Variants in KLHL24 observed in about 807,000 individuals in gnomAD.
KLHL24 encodes the protein kelch-like protein 24.
A neutral mutation model predicts 53.4 loss-of-function variants in KLHL24; 29 were observed. The ratio of observed to expected loss-of-function variants is 0.54; its 90% CI spans 0.40 to 0.74. The LOEUF (loss-of-function observed/expected upper bound fraction) is 0.74, where lower values mean the gene tolerates loss of function less well. Ranked by LOEUF, KLHL24 falls within the 30% of genes least tolerant of loss-of-function variation. KLHL24 has a pLI of 0.00. For missense variants in KLHL24, 504 were observed against 744.0 expected (o/e 0.68, Z 3.75); for synonymous variants, 222 against 253.7 (o/e 0.88, Z 1.19).
intron 7 of KLHL24, among the ~76,000 whole-genome samples, chr3:183,678,337 A>G (rs552971712): frequency 6.6e-6 from 1 of 152,178 alleles, no homozygotes; most frequent in Non-Finnish European, 1.5e-5. Context: ...CCATATAATG[A>G]ATATTGTTCC....
At chr3:183,636,386 A>G (rs1715183159) in intron 1 of KLHL24, 1 of 151,860 alleles carries the variant, frequency 6.6e-6, no homozygotes. Flanking sequence ...CTGTCACCTG[A>G]CCGTTACCCC....
chr3:183,642,867 C>T (rs1716669704), intron 1 of KLHL24: 1 of 152,086 alleles, frequency 6.6e-6, no homozygotes, highest in Non-Finnish European at 1.5e-5. Context: ...CATTAGCTTG[C>T]TATTGACATT....
chr3:183,656,037 C>T (rs1445141964), intron 3 of KLHL24, among the ~76,000 whole-genome samples: 78 of 90,802 alleles, frequency 8.6e-4, no homozygotes, highest in East Asian at 1.6e-3. Flanking sequence ...CCCTTAGCAT[C>T]TTTTTTTTTT....
chr3:183,639,369 GCC>G (rs1715926135), intron 1 of KLHL24, among the ~76,000 whole-genome samples: 1 of 152,098 alleles, frequency 6.6e-6, no homozygotes, highest in Non-Finnish European at 1.5e-5. Context: ...GGTGGCTCAC[GCC>G]TGTAATCCCA....
intron 1 of KLHL24, among the ~76,000 whole-genome samples, chr3:183,639,156 C>T (rs547359965): frequency 1.3e-5 from 2 of 151,938 alleles, no homozygotes; most frequent in African/African-American, 2.4e-5. Flanking sequence ...GCTGAGATCG[C>T]GCCATTGCAC....
Position 183,682,078 on chromosome 3 carries a change from T to G in KLHL24, c.*2792T>G, listed in dbSNP as rs1322879274. On this transcript the variant is annotated 3_prime_UTR_variant, in exon 8 of 8. Transcript: ENST00000242810. ...TGGGCATTTCTAGAACTTTTTACAT[T>G]TGAAAGTACATGATGAGTATTAGTA... 1 of 152,162 alleles carries G rather than the reference T, an allele frequency of 6.6e-6. No homozygotes were observed. Among genetic ancestry groups the G allele is most frequent in the East Asian group, 1.9e-4 (1 of 5,202 alleles). 9.4% of individuals were successfully genotyped at this position (152,162 alleles called of 1,614,324 possible). A position where few individuals can be genotyped will look rare whatever the true frequency, so the allele number is the denominator to read the frequency against.
chr3:183,673,720 C>G (rs1721683909), intron 7 of KLHL24, among the ~76,000 whole-genome samples: 1 of 152,172 alleles, frequency 6.6e-6, no homozygotes, highest in South Asian at 2.1e-4. Context: ...TAGAGATGTA[C>G]TCTCAAAGGT....
chr3:183,638,314 C>T (rs1374529869), intron 1 of KLHL24, among the ~76,000 whole-genome samples: 1 of 152,288 alleles, frequency 6.6e-6, no homozygotes, highest in East Asian at 1.9e-4. Context: ...GGCTTTTGTC[C>T]AAGTTGTTGA....
intron 5 of KLHL24, among the ~76,000 whole-genome samples, chr3:183,669,844 G>A (rs1721097723): frequency 2.0e-5 from 3 of 152,176 alleles, no homozygotes; most frequent in Non-Finnish European, 4.4e-5. Flanking sequence ...ATGGCAGCGG[G>A]AAACGTAAAG....
intron 1 of KLHL24, among the ~76,000 whole-genome samples, chr3:183,641,093 A>G (rs1433076451): frequency 6.6e-6 from 1 of 152,230 alleles, no homozygotes; most frequent in Admixed American, 6.5e-5. Context: ...AAAGTCATCA[A>G]ATAAATTAGC....
intron 5 of KLHL24, among the ~76,000 whole-genome samples, chr3:183,666,563 A>G (rs1414429755): frequency 6.6e-6 from 1 of 152,108 alleles, no homozygotes; most frequent in Non-Finnish European, 1.5e-5. Flanking sequence ...CACTGGGCCA[A>G]ATATTTTGGA....
chr3:183,676,819 G>A (rs183266486), intron 7 of KLHL24, among the ~76,000 whole-genome samples: 2 of 151,814 alleles, frequency 1.3e-5, no homozygotes, highest in Non-Finnish European at 2.9e-5. Flanking sequence ...TACCATTAAA[G>A]ATTAGAATAA....
rs749667338 is a variant in KLHL24, at chr3:183,650,818, A to G, written c.462A>G (p.Ala154=). Residue 154 remains alanine, a synonymous_variant, in exon 3 of 8, where the codon GCA becomes GCG. Coordinates refer to ENST00000242810, the MANE Select transcript of KLHL24 (RefSeq NM_017644.3). The surrounding 1 kb of genome is among the most constrained non-coding windows in gnomAD (Gnocchi z 4.5). The stretch of plus-strand genomic sequence containing the variant: ...TTCAGATTAGTGTTCTCCGTGATGC[A>G]TGTGCCAAGTTCTTGGAGGAGCAAC... ...SLFQISVLRD[A]CAKFLEEQLD... is the part of the protein sequence containing the mutation. The G allele has an allele frequency of 1.2e-6, 2 of 1,614,088 alleles. No homozygotes were observed. Among genetic ancestry groups the G allele is most frequent in the East Asian group, 4.5e-5 (2 of 44,880 alleles).
At chr3:183,671,348 T>C in intron 6 of KLHL24, 126 bp downstream of exon 6, 1 of 681,560 alleles carries the variant, frequency 1.5e-6, no homozygotes. Flanking sequence ...TGGTACTATA[T>C]GCTTTTGGAG....
rs1712577635 is a variant in KLHL24 at position 183,680,600 on chromosome 3, G to A, written c.*1314G>A. On this transcript the variant is annotated 3_prime_UTR_variant, in exon 8 of 8. Coordinates refer to ENST00000242810, the MANE Select transcript of KLHL24 (RefSeq NM_017644.3). ...GTAAAATACTAATCAACATTTTCAA[G>A]CTTCTGTACAACAGACTGCTTTTGT... is the stretch of plus-strand genomic sequence containing the variant. 6.6e-6 allele frequency: 1 copy of A among 152,152 alleles called. No homozygotes were observed. Among genetic ancestry groups the A allele is most frequent in the Admixed American group, 6.5e-5 (1 of 15,272 alleles). The allele number at this position is 152,152 out of a possible 1,614,324, so 9.4% of individuals were successfully genotyped here.
intron 1 of KLHL24, among the ~76,000 whole-genome samples, chr3:183,639,094 A>G (rs1388279089): frequency 6.6e-6 from 1 of 151,610 alleles, no homozygotes; most frequent in Non-Finnish European, 1.5e-5. Flanking sequence ...CCAGCTACTT[A>G]GGAGGCTGAG....
chr3:183,646,892 C>A (rs1717331794), intron 2 of KLHL24, among the ~76,000 whole-genome samples: 1 of 151,876 alleles, frequency 6.6e-6, no homozygotes, highest in Non-Finnish European at 1.5e-5. Flanking sequence ...TCACTGCAAG[C>A]TCCACCTCCC....
intron 3 of KLHL24, among the ~76,000 whole-genome samples, chr3:183,657,898 T>C (rs1350329063): frequency 6.6e-6 from 1 of 152,192 alleles, no homozygotes; most frequent in East Asian, 1.9e-4. Context: ...TATTACTAGT[T>C]TTTTGAACCT....
In KLHL24 at chr3:183,670,847, G is replaced by A. The variant is rs149461924; in HGVS notation, c.1225-187G>A. 1.0e-3 allele frequency among the ~76,000 whole-genome samples: 152 copies of A among 152,306 alleles called. 1 individual carries two copies. Among genetic ancestry groups the A allele is most frequent in the African/African-American group, 2.3e-3 (96 of 41,554 alleles). On this transcript the variant is annotated intron_variant, in intron 5 of 7. Transcript: ENST00000242810. ...GGAAGAAAATACCTAAAAAGGCTCC[G>A]TGGATTGTGATGGTGGTAGGGGATG...
Sources: allele counts gnomAD v4.1 joint callset (sites outside exome capture counted in the v4.1 genomes callset), GRCh38; gene constraint gnomAD v4.1.1; non-coding constraint Gnocchi (gnomAD v3.1); transcripts MANE v1.5; gene names NCBI Gene and HGNC (gene_info 2026-07-23, HGNC 2026-07-21).